TTC28: variants seen among roughly 807,000 people sequenced by gnomAD.
TTC28 encodes tetratricopeptide repeat domain 28.
In TTC28, 61 loss-of-function variants were observed where a neutral mutation model predicts 198.0. The observed-to-expected ratio is 0.31, with a 90% CI of 0.25 to 0.38. The LOEUF is 0.38. Ranked by LOEUF, TTC28 falls within the 10% of genes least tolerant of loss-of-function variation. The probability of loss-of-function intolerance (pLI) is 1.00; values close to 1 mark genes in which losing one functional copy is unlikely to be tolerated. For synonymous variants in TTC28, 1,171 were observed against 1,297.8 expected (o/e 0.90, Z 2.10); for missense variants, 2,678 against 3,164.0 (o/e 0.85, Z 3.69).
Position 28,558,753 on chromosome 22 carries a change from G to A in TTC28, c.381+70799C>T, listed in dbSNP as rs937136974. ...TCCTAAAGAATTTCCATTTCTGGCC[G>A]GGCACAGTGGCTCATGCCTGTAATC... is the stretch of plus-strand genomic sequence containing the variant. On this transcript the variant is annotated intron_variant, in intron 2 of 22. Coordinates refer to ENST00000397906, the MANE Select transcript of TTC28 (RefSeq NM_001145418.2). 4.0e-5 allele frequency among the ~76,000 whole-genome samples: 6 copies of A among 151,044 alleles called. 1 individual carries two copies. The highest frequency in any genetic ancestry group is 4.2e-4 in the South Asian group (2 of 4,752).
At chr22:28,177,677 AAACAATGGTCTATC>A (rs1352420587) in intron 5 of TTC28, among the ~76,000 whole-genome samples, 1 of 152,266 alleles carries the variant, frequency 6.6e-6, no homozygotes, top group Non-Finnish European at 1.5e-5. Flanking sequence ...TCAGGGCTAA[AAACAATGGTCTATC>A]AAGCTGTGAA....
intron 2 of TTC28, among the ~76,000 whole-genome samples, chr22:28,407,472 GCA>G (rs61622821): frequency 0.041 from 6,140 of 148,474 alleles, 275 homozygotes; most frequent in African/African-American, 0.11. Flanking sequence ...ACATGCGTGC[GCA>G]CACACACACA....
intron 2 of TTC28, among the ~76,000 whole-genome samples, chr22:28,350,497 A>T (rs1019689520): frequency 1.3e-5 from 2 of 152,298 alleles, no homozygotes; most frequent in African/African-American, 4.8e-5. Context: ...CTTTGATGGA[A>T]TATTTTTTGA....
At chr22:28,649,876 C>T (rs2051538154) in intron 1 of TTC28, among the ~76,000 whole-genome samples, 1 of 152,052 alleles carries the variant, frequency 6.6e-6, no homozygotes, top group South Asian at 2.1e-4. Flanking sequence ...ATTTTAAAAG[C>T]ATTGTTTTTC....
At chr22:28,239,070 T>C in intron 5 of TTC28, among the ~76,000 whole-genome samples, 1 of 152,188 alleles carries the variant, frequency 6.6e-6, no homozygotes, top group East Asian at 1.9e-4. Context: ...ATCACAGTTC[T>C]GCGTGATTTG....
chr22:28,159,540 T>C (rs531310689), intron 6 of TTC28, among the ~76,000 whole-genome samples: 7 of 151,234 alleles, frequency 4.6e-5, no homozygotes, highest in South Asian at 2.1e-4. Flanking sequence ...CCTACTGTAG[T>C]CCCAGCTACC....
chr22:28,053,472 G>T (rs1940164202), intron 12 of TTC28, among the ~76,000 whole-genome samples: 1 of 152,180 alleles, frequency 6.6e-6, no homozygotes, highest in Non-Finnish European at 1.5e-5. Flanking sequence ...ACAATAATCT[G>T]CATCATTAAG....
At chr22:28,215,254 A>G (rs1240836012) in intron 5 of TTC28, among the ~76,000 whole-genome samples, 1 of 152,218 alleles carries the variant, frequency 6.6e-6, no homozygotes, top group Non-Finnish European at 1.5e-5. Context: ...CACGTTGTGC[A>G]CATGTACCCT....
At chr22:28,281,009 GTTGC>G (rs1233009195) in intron 5 of TTC28, among the ~76,000 whole-genome samples, 1 of 151,780 alleles carries the variant, frequency 6.6e-6, no homozygotes, top group Non-Finnish European at 1.5e-5. Flanking sequence ...TTTTTCTCTG[GTTGC>G]TTTCAAGATT....
intron 2 of TTC28, among the ~76,000 whole-genome samples, chr22:28,388,485 C>T (rs557521407): frequency 3.5e-4 from 53 of 152,224 alleles, no homozygotes; most frequent in Non-Finnish European, 5.0e-4. Context: ...GAGCATAGAA[C>T]GTTCTTCCAT....
chr22:28,189,196 C>T (rs966525903), intron 5 of TTC28, among the ~76,000 whole-genome samples: 2 of 152,050 alleles, frequency 1.3e-5, no homozygotes, highest in Admixed American at 1.3e-4. Context: ...ATAACAAATA[C>T]ATATGTATGT....
intron 8 of TTC28, among the ~76,000 whole-genome samples, chr22:28,104,573 G>A (rs970977997): frequency 7.9e-5 from 12 of 152,182 alleles, no homozygotes; most frequent in East Asian, 3.9e-4. Flanking sequence ...AATGTAAAGA[G>A]GTGGAGGGCA....
intron 2 of TTC28, among the ~76,000 whole-genome samples, chr22:28,319,374 A>G (rs1021327747): frequency 1.3e-5 from 2 of 152,230 alleles, no homozygotes; most frequent in African/African-American, 4.8e-5. Context: ...ACCTAAAGTC[A>G]GAAGAGAGGG....
chr22:28,306,658 TATATAAGATATATAATGCC>T lies in TTC28; in HGVS notation c.382-34_382-16del. 6.4e-7 allele frequency: 1 copy of T among 1,550,588 alleles called. No homozygotes were observed. The highest frequency in any genetic ancestry group is 1.4e-5 in the African/African-American group (1 of 73,102). ...CGGAAGTATGCCTAGAAATAAAAGA[TATATAAGATATATAATGCC>T]TGTGCTCCAACAAGGCTGATGGTGA... is the stretch of plus-strand genomic sequence containing the variant. On this transcript the variant is annotated splice_polypyrimidine_tract_variant and intron_variant, in intron 2 of 22. Coordinates refer to ENST00000397906, the MANE Select transcript of TTC28 (RefSeq NM_001145418.2).
intron 2 of TTC28, among the ~76,000 whole-genome samples, chr22:28,466,000 C>A (rs2048014482): frequency 1.3e-5 from 2 of 152,184 alleles, no homozygotes; most frequent in South Asian, 4.1e-4. Context: ...ACCAGAATTT[C>A]ATTTTATTCC....
At chr22:28,359,443 C>G (rs1000393563) in intron 2 of TTC28, among the ~76,000 whole-genome samples, 3 of 152,216 alleles carry the variant, frequency 2.0e-5, no homozygotes, top group Non-Finnish European at 4.4e-5. Flanking sequence ...CCAACTTAAT[C>G]TAATAATCCA....
chr22:28,099,096 C>T, intron 9 of TTC28, 52 bp from the exon 10 acceptor site: 2 of 1,547,374 alleles, frequency 1.3e-6, no homozygotes, highest in Non-Finnish European at 8.7e-7. Context: ...CAATGTCCAG[C>T]TGTTTACAGA....
chr22:28,081,112 T>C (rs1293800694), intron 12 of TTC28, among the ~76,000 whole-genome samples: 2 of 150,632 alleles, frequency 1.3e-5, no homozygotes, highest in Non-Finnish European at 3.0e-5. Context: ...TGTACATATA[T>C]ATTTATATAT....
At chr22:27,992,386 G>T in intron 19 of TTC28, 1 of 604,222 alleles carries the variant, frequency 1.7e-6, no homozygotes, top group Non-Finnish European at 2.9e-6. Context: ...GGATGCCTTG[G>T]CATCGCAGAT....
Sources: gnomAD v4.1 joint callset for allele counts (sites outside exome capture counted in the v4.1 genomes callset) on GRCh38, gnomAD v4.1.1 for gene constraint, MANE v1.5 for transcripts, NCBI Gene and HGNC (gene_info 2026-07-23, HGNC 2026-07-21) for gene names.